KCNG3: variants seen among roughly 807,000 people sequenced by gnomAD.
KCNG3 encodes the protein voltage-gated potassium channel regulatory subunit KCNG3.
In KCNG3, 15 loss-of-function variants were observed where a neutral mutation model predicts 29.0. The ratio of observed to expected loss-of-function variants is 0.52; its 90% CI spans 0.35 to 0.80. The LOEUF (loss-of-function observed/expected upper bound fraction) is 0.80. Ranked by LOEUF, KCNG3 falls within the 30% of genes least tolerant of loss-of-function variation. The probability of loss-of-function intolerance (pLI) is 0.01; values close to 1 mark genes in which losing one functional copy is unlikely to be tolerated. For missense variants in KCNG3, 512 were observed against 605.7 expected (o/e 0.85, Z 1.62); for synonymous variants, 322 against 248.9 (o/e 1.29, Z -2.76).
intron 1 of KCNG3, among the ~76,000 whole-genome samples, chr2:42,446,916 G>C (rs958998418): frequency 6.6e-6 from 1 of 151,874 alleles, no homozygotes; most frequent in Admixed American, 6.6e-5. Flanking sequence ...CAAGGTGGGA[G>C]TATAGCTTGA....
At chr2:42,420,078 G>A in the KCNG3 span, among the ~76,000 whole-genome samples, 1 of 152,186 alleles carries the variant, frequency 6.6e-6, no homozygotes, top group Non-Finnish European at 1.5e-5. Flanking sequence ...ACAAAAATTA[G>A]CCGGGCATGG....
chr2:42,467,684 T>A (rs1423566144), intron 1 of KCNG3, among the ~76,000 whole-genome samples: 9 of 128,338 alleles, frequency 7.0e-5, no homozygotes, highest in African/African-American at 1.8e-4. Context: ...AAAAAAAAAA[T>A]TAGAACCATG....
chr2:42,462,886 T>G (rs188248298), intron 1 of KCNG3, among the ~76,000 whole-genome samples: 1 of 152,268 alleles, frequency 6.6e-6, no homozygotes, highest in African/African-American at 2.4e-5. Context: ...TGCAAGATTT[T>G]TTTAAAACCT....
chr2:42,491,382 CTAA>C (rs997142547), intron 1 of KCNG3, among the ~76,000 whole-genome samples: 3 of 152,052 alleles, frequency 2.0e-5, no homozygotes, highest in African/African-American at 7.2e-5. Flanking sequence ...ATTATCTGCA[CTAA>C]TAATAATTCA....
Position 42,476,002 on chromosome 2 carries a change from G to A in KCNG3, c.665+16835C>T, listed in dbSNP as rs577225163. On this transcript the variant is annotated intron_variant, in intron 1 of 1. Transcript: ENST00000306078. ...AATCACTTGAACCCGGGAGACAGAG[G>A]TTGCAGTGAGCCAAGATCGTGCCAT... 1.0e-3 allele frequency among the ~76,000 whole-genome samples: 152 copies of A among 152,262 alleles called. 2 individuals are homozygous for A. The highest frequency in any genetic ancestry group is 3.5e-3 in the African/African-American group (145 of 41,548).
At chr2:42,451,394 A>G (rs111805608) in intron 1 of KCNG3, among the ~76,000 whole-genome samples, 7,260 of 151,778 alleles carry the variant, frequency 0.048, 528 homozygotes, top group African/African-American at 0.15. Context: ...CCTGGGCAAC[A>G]AAGCAAGACC....
At chr2:42,389,109 G>A in the KCNG3 span, among the ~76,000 whole-genome samples, 1 of 152,112 alleles carries the variant, frequency 6.6e-6, no homozygotes, top group Non-Finnish European at 1.5e-5. Flanking sequence ...GTAGAGACAA[G>A]GTTTCACCAT....
At chr2:42,492,774 T>C in intron 1 of KCNG3, 63 bp downstream of exon 1, 1 of 1,346,552 alleles carries the variant, frequency 7.4e-7, no homozygotes, top group East Asian at 2.9e-5. Context: ...AGACGGGACG[T>C]ATGGACGGGA....
intron 1 of KCNG3, among the ~76,000 whole-genome samples, chr2:42,481,843 G>A (rs1250743133): frequency 6.6e-6 from 1 of 152,060 alleles, no homozygotes; most frequent in African/African-American, 2.4e-5. Context: ...CCCTATTCAG[G>A]CATCACCTAT....
chr2:42,477,969 T>C (rs139565459), intron 1 of KCNG3, among the ~76,000 whole-genome samples: 205 of 152,170 alleles, frequency 1.3e-3, no homozygotes, highest in Non-Finnish European at 2.0e-3. Flanking sequence ...AGTAAGGTTC[T>C]GGATGAGTGA....
At chr2:42,439,108 C>T (rs949315724), downstream of KCNG3, among the ~76,000 whole-genome samples, 1 of 152,112 alleles carries the variant, frequency 6.6e-6, no homozygotes. Flanking sequence ...TGGATGAGTG[C>T]ACAACTGTAC....
At chr2:42,461,177 C>CAA (rs1482021088) in intron 1 of KCNG3, among the ~76,000 whole-genome samples, 26 of 19,244 alleles carry the variant, frequency 1.4e-3, no homozygotes, top group East Asian at 2.8e-3. Flanking sequence ...CAAAACAAAA[C>CAA]AAAACAAAAA....
At chr2:42,423,851 A>AG in the KCNG3 span, among the ~76,000 whole-genome samples, 1 of 151,840 alleles carries the variant, frequency 6.6e-6, no homozygotes, top group Admixed American at 6.6e-5. Flanking sequence ...TTACAATGAC[A>AG]GGGAAGTATG....
At chr2:42,476,237 C>T (rs751811186) in intron 1 of KCNG3, among the ~76,000 whole-genome samples, 24 of 151,574 alleles carry the variant, frequency 1.6e-4, no homozygotes, top group Admixed American at 3.9e-4. Context: ...TTTGGGAAGC[C>T]GAGGTGGGAG....
chr2:42,483,166 G>A lies in KCNG3; in HGVS notation c.665+9671C>T, dbSNP rs555426086. Among the ~76,000 whole-genome samples the A allele has an allele frequency of 9.9e-5, 15 of 152,036 alleles. No individual in the cohort carries two copies. The South Asian group carries it at 2.7e-3, about 27-fold the overall frequency. ...ACAGCTGTTCTATTTTTTTAATTAC[G>A]TTGTTTCCAGATGTTTGCTATTAAA... is the stretch of plus-strand genomic sequence containing the variant. On this transcript the variant is annotated intron_variant, in intron 1 of 1. Coordinates refer to ENST00000306078, the MANE Select transcript of KCNG3 (RefSeq NM_133329.6).
Position 42,477,048 on chromosome 2 carries a change from C to T in KCNG3, c.665+15789G>A, listed in dbSNP as rs897067956. 7.3e-5 allele frequency among the ~76,000 whole-genome samples: 11 copies of T among 150,260 alleles called. 1 individual carries two copies. The South Asian group carries it at 1.3e-3, about 17-fold the overall frequency. On this transcript the variant is annotated intron_variant, in intron 1 of 1. Coordinates refer to ENST00000306078, the MANE Select transcript of KCNG3 (RefSeq NM_133329.6). ...AAAAATATAAAAAAAAAAAATTAGC[C>T]GGGCGTGGTGGCAGGCACCTGTAGT...
the KCNG3 span, among the ~76,000 whole-genome samples, chr2:42,398,870 CGAA>C: frequency 1.3e-5 from 2 of 152,052 alleles, no homozygotes; most frequent in Non-Finnish European, 2.9e-5. Context: ...ATTACTGACT[CGAA>C]GAGAGACACC....
chr2:42,482,906 A>T (rs1310374525), intron 1 of KCNG3, among the ~76,000 whole-genome samples: 1 of 152,186 alleles, frequency 6.6e-6, no homozygotes, highest in African/African-American at 2.4e-5. Flanking sequence ...GGATCACTCA[A>T]GTCCAGGAGT....
chr2:42,467,962 C>A (rs1369060397), intron 1 of KCNG3, among the ~76,000 whole-genome samples: 1 of 149,948 alleles, frequency 6.7e-6, no homozygotes. Context: ...CAGAATGAGA[C>A]CCTGTCTCAA....
Sources: allele counts gnomAD v4.1 joint callset (sites outside exome capture counted in the v4.1 genomes callset), GRCh38; gene constraint gnomAD v4.1.1; transcripts MANE v1.5; gene names NCBI Gene and HGNC (gene_info 2026-07-23, HGNC 2026-07-21).